Variants in AGAP1 observed in about 807,000 individuals in gnomAD.
AGAP1 encodes the protein ArfGAP with GTPase domain, ankyrin repeat and PH domain 1.
AGAP1 carries 29 observed loss-of-function variants against 105.3 expected under a neutral mutation model. The observed-to-expected ratio is 0.28, with a 90% CI of 0.21 to 0.38. AGAP1 has a LOEUF of 0.38. Among genes scored for constraint, AGAP1 ranks in the 10% least tolerant of loss-of-function variants. The pLI is 1.00. For missense variants in AGAP1, 998 were observed against 1,165.1 expected, an observed-to-expected ratio of 0.86 and a Z score of 2.09; for synonymous variants, 509 against 485.9, an observed-to-expected ratio of 1.05 and a Z score of -0.63.
At position 235,993,479 on chromosome 2, in the gene AGAP1, A is replaced by C. The variant is rs2055661268; in HGVS notation, c.1645+24856A>C. On this transcript the variant is annotated intron_variant, in intron 13 of 17. Transcript: ENST00000304032. The surrounding 1 kb of genome is among the most constrained non-coding windows in gnomAD (Gnocchi z 5.0). ...CTTCTCAAAGTGGAAGACAGGGAGC[A>C]CCTCTGCAGGCCTATAGGGAGGTAG... is the stretch of plus-strand genomic sequence containing the variant. Among the ~76,000 whole-genome samples the C allele has an allele frequency of 6.6e-6, 1 of 152,188 alleles. No homozygotes were observed. The highest frequency in any genetic ancestry group is 2.4e-5 in the African/African-American group (1 of 41,438).
intron 13 of AGAP1, among the ~76,000 whole-genome samples, chr2:235,980,803 G>A (rs1363891473): frequency 2.0e-5 from 3 of 152,194 alleles, no homozygotes; most frequent in South Asian, 4.1e-4. Flanking sequence ...GTGCCCAAAA[G>A]ACTTTCTCCC....
intron 6 of AGAP1, among the ~76,000 whole-genome samples, chr2:235,757,037 T>C (rs534588256): frequency 1.3e-5 from 2 of 152,340 alleles, no homozygotes; most frequent in East Asian, 3.9e-4. Flanking sequence ...ATTAGATATA[T>C]GATCTGCACT....
At chr2:235,813,562 TA>T (rs1428984474) in intron 9 of AGAP1, among the ~76,000 whole-genome samples, 16 of 152,126 alleles carry the variant, frequency 1.1e-4, no homozygotes, top group African/African-American at 3.6e-4. Context: ...CTCAGACCCC[TA>T]GGGGGGCGGG....
At chr2:235,854,988 G>C (rs1038852435) in intron 9 of AGAP1, among the ~76,000 whole-genome samples, 1 of 152,140 alleles carries the variant, frequency 6.6e-6, no homozygotes, top group Non-Finnish European at 1.5e-5. Context: ...TTCAGAGGAG[G>C]GCCCGCCATG....
At position 235,739,524 on chromosome 2, in the gene AGAP1, A is replaced by G. The variant is rs989032584; in HGVS notation, c.311-1439A>G. 6.6e-6 allele frequency among the ~76,000 whole-genome samples: 1 copy of G among 152,000 alleles called. No individual in the cohort carries two copies. Among genetic ancestry groups the G allele is most frequent in the Non-Finnish European group, 1.5e-5 (1 of 67,982 alleles). ...CCGTCTTGTTTCAGTGACTGGGGGGACAGCAAAATGAGAGTTTATCTGCTT... is the reference window on the plus strand; with the variant it reads ...CCGTCTTGTTTCAGTGACTGGGGGGGCAGCAAAATGAGAGTTTATCTGCTT... On this transcript the variant is annotated intron_variant, in intron 3 of 17. Coordinates refer to ENST00000304032, the MANE Select transcript of AGAP1 (RefSeq NM_001037131.3). The surrounding 1 kb of genome is among the most constrained non-coding windows in gnomAD (Gnocchi z 5.3).
intron 9 of AGAP1, among the ~76,000 whole-genome samples, chr2:235,837,328 C>T (rs930450554): frequency 1.3e-5 from 2 of 152,128 alleles, no homozygotes; most frequent in Non-Finnish European, 2.9e-5. Context: ...ATATGATTAA[C>T]AGCGGTTACA....
chr2:235,994,344 G>A lies in AGAP1; in HGVS notation c.1645+25721G>A, dbSNP rs868512029. ...TTTAGGGGTGTTCCCTGTCATTTTC[G>A]TGCTGTGCAATAGTTGATGAAGATA... On this transcript the variant is annotated intron_variant, in intron 13 of 17. Transcript: ENST00000304032. The surrounding 1 kb of genome is among the most constrained non-coding windows in gnomAD (Gnocchi z 4.4). Among the ~76,000 whole-genome samples, 20 of 152,070 alleles carry A rather than the reference G, an allele frequency of 1.3e-4. No homozygotes were observed. The highest frequency in any genetic ancestry group is 4.3e-4 in the African/African-American group (18 of 41,418).
At chr2:236,007,765 A>C (rs994752273) in intron 13 of AGAP1, among the ~76,000 whole-genome samples, 3 of 152,224 alleles carry the variant, frequency 2.0e-5, no homozygotes, top group Non-Finnish European at 4.4e-5. Flanking sequence ...CAGGAGGGCT[A>C]AGGTGGCCCC....
Position 235,694,403 on chromosome 2 carries a change from C to T in AGAP1, c.164-14776C>T, listed in dbSNP as rs960529896. ...CTGAGGCAGAAGAATGGCGTGAACA[C>T]GGGAGGCAGAGCTTGCAGATAGCCG... On this transcript the variant is annotated intron_variant, in intron 1 of 17. Coordinates refer to ENST00000304032, the MANE Select transcript of AGAP1 (RefSeq NM_001037131.3). Among the ~76,000 whole-genome samples the T allele has an allele frequency of 4.7e-5, 7 of 149,560 alleles. No individual in the cohort carries two copies. In the South Asian group the frequency reaches 1.1e-3, roughly 22 times the overall value.
At chr2:235,509,194 GTCTA>G (rs1336753128) in intron 1 of AGAP1, among the ~76,000 whole-genome samples, 1 of 152,070 alleles carries the variant, frequency 6.6e-6, no homozygotes, top group African/African-American at 2.4e-5. Context: ...CTTGATTTTT[GTCTA>G]TCTGTTTAGA....
At position 235,614,044 on chromosome 2, in the gene AGAP1, A is replaced by G. The variant is rs193188719; in HGVS notation, c.164-95135A>G. On this transcript the variant is annotated intron_variant, in intron 1 of 17. Transcript: ENST00000304032. The surrounding 1 kb of genome is among the most constrained non-coding windows in gnomAD (Gnocchi z 4.7). ...TTCCCCCTTTTGTGTGTTTTGGCCA[A>G]ATACTCAAAAGCACTAAGTTTTCTT... 6.6e-6 allele frequency among the ~76,000 whole-genome samples: 1 copy of G among 152,202 alleles called. No homozygotes were observed. Among genetic ancestry groups the G allele is most frequent in the East Asian group, 1.9e-4 (1 of 5,168 alleles).
At chr2:235,911,916 C>T (rs1266713526) in intron 11 of AGAP1, among the ~76,000 whole-genome samples, 2 of 152,202 alleles carry the variant, frequency 1.3e-5, no homozygotes, top group African/African-American at 2.4e-5. Flanking sequence ...AGCACAGAGG[C>T]GTTGCCACTT....
At chr2:235,595,330 C>T (rs559053215) in intron 1 of AGAP1, among the ~76,000 whole-genome samples, 50 of 152,170 alleles carry the variant, frequency 3.3e-4, no homozygotes, top group African/African-American at 1.1e-3. Context: ...CTCGAGGGGC[C>T]GGAAACCGTG....
At chr2:235,579,744 C>T (rs1429152687) in intron 1 of AGAP1, among the ~76,000 whole-genome samples, 1 of 151,778 alleles carries the variant, frequency 6.6e-6, no homozygotes, top group Non-Finnish European at 1.5e-5. Flanking sequence ...CCACTGCACT[C>T]CAGCCTGGGC....
chr2:235,940,705 G>C (rs1207803406), intron 12 of AGAP1, among the ~76,000 whole-genome samples: 1 of 152,162 alleles, frequency 6.6e-6, no homozygotes, highest in African/African-American at 2.4e-5. Flanking sequence ...TGGTCATCCT[G>C]CCCCTGGCAT....
chr2:235,950,988 G>C (rs1286422700), intron 12 of AGAP1, among the ~76,000 whole-genome samples: 1 of 142,144 alleles, frequency 7.0e-6, no homozygotes, highest in African/African-American at 2.5e-5. Flanking sequence ...TGCAAACAAA[G>C]TCAGTTCTTT....
intron 10 of AGAP1, among the ~76,000 whole-genome samples, chr2:235,894,941 C>A (rs941502977): frequency 3.9e-5 from 6 of 152,320 alleles, no homozygotes; most frequent in Admixed American, 2.6e-4. Context: ...AATCACTGAG[C>A]CTCTCAAGGT....
At chr2:236,031,769 A>G (rs994337520) in intron 13 of AGAP1, among the ~76,000 whole-genome samples, 2 of 151,884 alleles carry the variant, frequency 1.3e-5, no homozygotes, top group Admixed American at 6.5e-5. Context: ...AACAGGTGTC[A>G]TCCCTCTTCC....
intron 1 of AGAP1, among the ~76,000 whole-genome samples, chr2:235,592,001 A>T (rs964820902): frequency 6.6e-6 from 1 of 152,174 alleles, no homozygotes; most frequent in African/African-American, 2.4e-5. Context: ...CAGGACCATG[A>T]GCCAAAATAA....
Sources: gnomAD v4.1 joint callset for allele counts (sites outside exome capture counted in the v4.1 genomes callset) on GRCh38, gnomAD v4.1.1 for gene constraint, Gnocchi (gnomAD v3.1) non-coding constraint, MANE v1.5 for transcripts, NCBI Gene and HGNC (gene_info 2026-07-23, HGNC 2026-07-21) for gene names.